The following ENOX2 variants were observed in gnomAD, a reference collection of about 807,000 sequenced individuals.
The protein encoded by ENOX2 is ecto-NOX disulfide-thiol exchanger 2.
A neutral mutation model predicts 45.0 loss-of-function variants in ENOX2; 36 were observed. The observed-to-expected ratio is 0.80, with a 90% CI of 0.61 to 1.06. The LOEUF is 1.06. Among genes scored for constraint, ENOX2 ranks in the 50% least tolerant of loss-of-function variants. ENOX2 has a pLI of 0.00. For missense variants in ENOX2, 423 were observed against 462.5 expected (o/e 0.91, Z 0.78); for synonymous variants, 174 against 152.3 (o/e 1.14, Z -1.05).
chrX:130,718,297 G>A (rs1275636860), intron 3 of ENOX2, among the ~76,000 whole-genome samples: 2 of 112,140 alleles, frequency 1.8e-5, no homozygotes, highest in Non-Finnish European at 3.8e-5. Context: ...AAGTTCAGAG[G>A]TGATTAGGGA....
intron 3 of ENOX2, among the ~76,000 whole-genome samples, chrX:130,705,907 C>A (rs2038025382): frequency 9.0e-6 from 1 of 111,542 alleles, no homozygotes; most frequent in African/African-American, 3.3e-5. Flanking sequence ...CTTTTTTACC[C>A]CTTTTTCTCC....
At position 130,860,965 on chromosome X, in the gene ENOX2, C is replaced by A. The variant is rs1217792089; in HGVS notation, c.-183+40719G>T. On this transcript the variant is annotated intron_variant, in intron 2 of 14. Transcript: ENST00000394363. ...TAATAATAATAAGTGAGCAAAGTAC[C>A]TAAACAGACATCTATAAAAATGACC... Among the ~76,000 whole-genome samples the A allele has an allele frequency of 2.7e-5, 3 of 111,468 alleles. No individual in the cohort carries two copies. In the East Asian group the frequency reaches 8.5e-4, roughly 31 times the overall value.
intron 2 of ENOX2, among the ~76,000 whole-genome samples, chrX:130,873,854 T>C (rs1248866421): frequency 2.2e-5 from 2 of 92,953 alleles, no homozygotes; most frequent in Admixed American, 2.5e-4. Flanking sequence ...TGAGAACACA[T>C]GGACACAGGG....
intron 13 of ENOX2, 78 bp from the exon 14 acceptor site, chrX:130,628,121 C>T: frequency 7.6e-6 from 5 of 654,161 alleles, no homozygotes; most frequent in Non-Finnish European, 1.3e-5. Flanking sequence ...ATAGCAAGAG[C>T]TGACTCATAT....
intron 10 of ENOX2, 97 bp downstream of exon 10, chrX:130,656,484 T>C (rs2036549480): frequency 5.7e-6 from 3 of 525,250 alleles, no homozygotes; most frequent in Middle Eastern, 5.6e-4. Context: ...TCCAGGCTGA[T>C]AGGTTGATGG....
intron 2 of ENOX2, among the ~76,000 whole-genome samples, chrX:130,797,790 A>G (rs2077157026): frequency 8.9e-6 from 1 of 111,844 alleles, no homozygotes; most frequent in African/African-American, 3.3e-5. Flanking sequence ...TCTTTGGCAC[A>G]CATGTGACCC....
chrX:130,821,651 C>A (rs1430163680), intron 2 of ENOX2, among the ~76,000 whole-genome samples: 1 of 84,781 alleles, frequency 1.2e-5, no homozygotes, highest in African/African-American at 4.4e-5. Flanking sequence ...TGTAACTAAC[C>A]TGCACAATGT....
At chrX:130,683,676 T>C (rs1298683243) in intron 5 of ENOX2, among the ~76,000 whole-genome samples, 4 of 110,761 alleles carry the variant, frequency 3.6e-5, no homozygotes, top group African/African-American at 6.6e-5. Flanking sequence ...TCAAATTTTC[T>C]GGAGAGAATC....
intron 5 of ENOX2, among the ~76,000 whole-genome samples, chrX:130,682,489 C>A (rs1041515091): frequency 1.0e-5 from 1 of 98,564 alleles, no homozygotes; most frequent in Non-Finnish European, 2.0e-5. Flanking sequence ...GAGGCTGAGG[C>A]AGAAGAATGG....
chrX:130,759,705 C>T (rs1213018866), intron 3 of ENOX2, among the ~76,000 whole-genome samples: 7 of 108,855 alleles, frequency 6.4e-5, no homozygotes, highest in Admixed American at 5.9e-4. Context: ...ATTACTGTAG[C>T]TATATAGCAA....
chrX:130,852,570 C>T (rs1047303749), intron 2 of ENOX2, among the ~76,000 whole-genome samples: 7 of 111,730 alleles, frequency 6.3e-5, no homozygotes, highest in African/African-American at 2.3e-4. Context: ...TTGAGCATGG[C>T]TTTAAATGAA....
At chrX:130,725,110 T>A (rs1464805811) in intron 3 of ENOX2, among the ~76,000 whole-genome samples, 1 of 111,558 alleles carries the variant, frequency 9.0e-6, no homozygotes, top group Non-Finnish European at 1.9e-5. Context: ...TGCAAAAACC[T>A]TTCCTATAGA....
chrX:130,898,508 G>C (rs939065148), intron 2 of ENOX2, among the ~76,000 whole-genome samples: 1 of 109,483 alleles, frequency 9.1e-6, no homozygotes, highest in Non-Finnish European at 1.9e-5. Flanking sequence ...GTGTGTGCGT[G>C]TGTGTGTGTG....
chrX:130,822,090 A>AAG (rs1369254852), intron 2 of ENOX2, among the ~76,000 whole-genome samples: 92 of 106,678 alleles, frequency 8.6e-4, no homozygotes, highest in African/African-American at 3.0e-3. Flanking sequence ...AAAAAAAAAA[A>AAG]AGAGAGAGAA....
At chrX:130,846,440 C>T (rs770518460) in intron 2 of ENOX2, among the ~76,000 whole-genome samples, 3 of 110,102 alleles carry the variant, frequency 2.7e-5, no homozygotes, top group South Asian at 3.9e-4. Flanking sequence ...CGGATTCAAG[C>T]GATTCTCCTG....
chrX:130,645,596 A>T (rs1169825491), intron 10 of ENOX2: 5 of 344,827 alleles, frequency 1.5e-5, no homozygotes, highest in Non-Finnish European at 2.5e-5. Context: ...TTTAAAATGG[A>T]TCAAAGCAGA....
At chrX:130,833,011 TCACACACACACA>T (rs10568834) in intron 2 of ENOX2, among the ~76,000 whole-genome samples, 22 of 82,985 alleles carry the variant, frequency 2.7e-4, no homozygotes, top group East Asian at 7.6e-4. Flanking sequence ...TCATGTATAA[TCACACACACACA>T]CACACACACA....
intron 5 of ENOX2, among the ~76,000 whole-genome samples, chrX:130,682,097 T>G (rs1170257702): frequency 1.8e-5 from 2 of 109,988 alleles, no homozygotes; most frequent in Admixed American, 1.9e-4. Context: ...AATTAGAGAC[T>G]TTAGAATACA....
chrX:130,780,338 T>C (rs1187471419), intron 3 of ENOX2, among the ~76,000 whole-genome samples: 1 of 112,005 alleles, frequency 8.9e-6, no homozygotes, highest in Non-Finnish European at 1.9e-5. Context: ...TCTAGATTCC[T>C]AATAACTTTA....
Sources: allele counts gnomAD v4.1 joint callset (sites outside exome capture counted in the v4.1 genomes callset), GRCh38; gene constraint gnomAD v4.1.1; transcripts MANE v1.5; gene names NCBI Gene and HGNC (gene_info 2026-07-23, HGNC 2026-07-21).